FRYL: variants seen among roughly 807,000 people sequenced by gnomAD.
FRYL encodes the protein FRY like transcription coactivator, also known as protein furry homolog-like.
A neutral mutation model predicts 351.2 loss-of-function variants in FRYL; 150 were observed. The observed-to-expected ratio is 0.43, with a 90% confidence interval of 0.37 to 0.49. The LOEUF is 0.49. Ranked by LOEUF, FRYL falls within the 20% of genes least tolerant of loss-of-function variation. The probability of loss-of-function intolerance (pLI) is 0.00; values close to 1 mark genes in which losing one functional copy is unlikely to be tolerated. For synonymous variants in FRYL, 1,153 were observed against 1,257.1 expected, an observed-to-expected ratio of 0.92 and a Z score of 1.75; for missense variants, 3,036 against 3,619.3, an observed-to-expected ratio of 0.84 and a Z score of 4.13.
At chr4:48,616,752 AC>A (rs1749545688) in intron 7 of FRYL, among the ~76,000 whole-genome samples, 1 of 152,244 alleles carries the variant, frequency 6.6e-6, no homozygotes, top group East Asian at 1.9e-4. Flanking sequence ...CAAGACTGAA[AC>A]AACCATTTAT....
At chr4:48,759,174 T>C (rs1173618632) in intron 1 of FRYL, among the ~76,000 whole-genome samples, 1 of 152,128 alleles carries the variant, frequency 6.6e-6, no homozygotes, top group Non-Finnish European at 1.5e-5. Context: ...GGCACATGTA[T>C]ACATATGTAA....
At chr4:48,619,466 T>C (rs1439102165) in intron 6 of FRYL, 96 bp from the exon 7 acceptor site, 14 of 620,514 alleles carry the variant, frequency 2.3e-5, no homozygotes, top group South Asian at 1.4e-4. Flanking sequence ...TTTCCTACTA[T>C]GTAAAATGTG....
At chr4:48,522,542 T>C (rs2148832308) in intron 54 of FRYL, among the ~76,000 whole-genome samples, 1 of 152,318 alleles carries the variant, frequency 6.6e-6, no homozygotes, top group Non-Finnish European at 1.5e-5. Context: ...TTGTGCTCTG[T>C]TTTTCCACAC....
intron 5 of FRYL, 75 bp from the exon 6 acceptor site, chr4:48,620,853 C>A (rs1578388453): frequency 7.7e-7 from 1 of 1,300,742 alleles, no homozygotes. Context: ...TATTAGCTAT[C>A]ATTTAGAAAT....
chr4:48,569,133 T>C (rs1336670287), intron 27 of FRYL, among the ~76,000 whole-genome samples: 9 of 152,208 alleles, frequency 5.9e-5, no homozygotes, highest in African/African-American at 1.7e-4. Context: ...GTCCCCAAAA[T>C]AGAACCATTC....
intron 26 of FRYL, among the ~76,000 whole-genome samples, chr4:48,572,682 C>G (rs1738609871): frequency 6.6e-6 from 1 of 152,210 alleles, no homozygotes; most frequent in Non-Finnish European, 1.5e-5. Context: ...TCATAACCAT[C>G]TGTCCCACTG....
intron 59 of FRYL, among the ~76,000 whole-genome samples, chr4:48,508,723 C>T (rs1030099064): frequency 2.6e-5 from 4 of 152,102 alleles, no homozygotes; most frequent in South Asian, 2.1e-4. Flanking sequence ...GTCAATGGAA[C>T]GCCTCTGTTC....
chr4:48,525,775 A>G (rs995492242), intron 53 of FRYL, among the ~76,000 whole-genome samples: 2 of 149,448 alleles, frequency 1.3e-5, no homozygotes, highest in Non-Finnish European at 3.0e-5. Context: ...GATCTGTATG[A>G]GTTGTATATG....
At chr4:48,754,448 T>G (rs1358031809) in intron 1 of FRYL, among the ~76,000 whole-genome samples, 1 of 152,180 alleles carries the variant, frequency 6.6e-6, no homozygotes, top group Non-Finnish European at 1.5e-5. Context: ...CTATAAACAT[T>G]CATATACAAG....
chr4:48,632,729 C>T (rs912480209), intron 4 of FRYL, among the ~76,000 whole-genome samples: 6 of 151,970 alleles, frequency 3.9e-5, no homozygotes, highest in Non-Finnish European at 1.5e-5. Context: ...TATCAGATCC[C>T]GGAACATATT....
chr4:48,711,849 G>A (rs1485128227), intron 1 of FRYL, among the ~76,000 whole-genome samples: 4 of 152,238 alleles, frequency 2.6e-5, no homozygotes, highest in South Asian at 2.1e-4. Context: ...TCACACGGCC[G>A]GGTACTCCTC....
chr4:48,711,110 C>G (rs1421884924), intron 1 of FRYL, among the ~76,000 whole-genome samples: 4 of 152,186 alleles, frequency 2.6e-5, no homozygotes, highest in African/African-American at 9.7e-5. Context: ...AGGAACAGCT[C>G]CGGTCTACAG....
rs574628729 is a variant in FRYL at position 48,756,096 on chromosome 4, G to A, written c.-384+23982C>T. 3.9e-5 allele frequency among the ~76,000 whole-genome samples: 6 copies of A among 152,002 alleles called. No individual in the cohort carries two copies. The South Asian group carries it at 1.2e-3, about 32-fold the overall frequency. On this transcript the variant is annotated intron_variant, in intron 1 of 63. Coordinates refer to ENST00000358350, the MANE Select transcript of FRYL (RefSeq NM_015030.2). Reference sequence around the variant, plus strand: ...AAAAAATGAAAAATTAGCCATGCGTGGTGGCACATGCCTGTAGTCCCAGGT... The same window carrying A: ...AAAAAATGAAAAATTAGCCATGCGTAGTGGCACATGCCTGTAGTCCCAGGT...
At chr4:48,621,860 T>C (rs1466862458) in intron 5 of FRYL, among the ~76,000 whole-genome samples, 2 of 152,180 alleles carry the variant, frequency 1.3e-5, no homozygotes, top group African/African-American at 4.8e-5. Flanking sequence ...TAATAATCCT[T>C]TTATTGTACA....
chr4:48,591,792 G>A (rs990061833), intron 16 of FRYL, among the ~76,000 whole-genome samples: 2 of 151,910 alleles, frequency 1.3e-5, no homozygotes, highest in African/African-American at 4.8e-5. Context: ...TTTTAAGCCT[G>A]GCCTCTCTCT....
At chr4:48,595,246 C>T (rs1744363339) in intron 15 of FRYL, among the ~76,000 whole-genome samples, 1 of 152,150 alleles carries the variant, frequency 6.6e-6, no homozygotes, top group African/African-American at 2.4e-5. Context: ...CTTTCGAGGT[C>T]CCTTTGGGTT....
intron 1 of FRYL, among the ~76,000 whole-genome samples, chr4:48,720,087 T>C (rs1379689568): frequency 2.0e-5 from 3 of 149,554 alleles, no homozygotes; most frequent in Non-Finnish European, 3.0e-5. Flanking sequence ...GAGGTGGAGA[T>C]TGGAGTGAGC....
In FRYL at chr4:48,648,520, A is replaced by G. The variant is rs183329041; in HGVS notation, c.-80-14030T>C. 1.4e-3 allele frequency among the ~76,000 whole-genome samples: 207 copies of G among 152,262 alleles called. 5 individuals carry two copies. Among genetic ancestry groups the G allele is most frequent in the Non-Finnish European group, 1.3e-4 (9 of 68,016 alleles). Reference sequence around the variant, plus strand: ...ACTTGATCAGGGAAGCCTTCAATTAAAATATGAAGGAGTAGAGAAAGTTAG... The same window carrying G: ...ACTTGATCAGGGAAGCCTTCAATTAGAATATGAAGGAGTAGAGAAAGTTAG... On this transcript the variant is annotated intron_variant, in intron 3 of 63. Coordinates refer to ENST00000358350, the MANE Select transcript of FRYL (RefSeq NM_015030.2).
At chr4:48,536,713 C>A (rs1264161771) in intron 47 of FRYL, among the ~76,000 whole-genome samples, 1 of 152,170 alleles carries the variant, frequency 6.6e-6, no homozygotes, top group African/African-American at 2.4e-5. Context: ...TTTAGTTTTC[C>A]TTTTCCTTAT....
Sources: allele counts gnomAD v4.1 joint callset (sites outside exome capture counted in the v4.1 genomes callset), GRCh38; gene constraint gnomAD v4.1.1; transcripts MANE v1.5; gene names NCBI Gene and HGNC (gene_info 2026-07-23, HGNC 2026-07-21).